Variants in IKZF2 observed in about 807,000 individuals in gnomAD.
The protein encoded by IKZF2 is IKAROS family zinc finger 2, also known as zinc finger protein Helios.
A neutral mutation model predicts 49.2 loss-of-function variants in IKZF2; 15 were observed. The ratio of observed to expected loss-of-function variants is 0.30; its 90% CI spans 0.20 to 0.47. The LOEUF (loss-of-function observed/expected upper bound fraction) is 0.47. IKZF2 is among the 20% of genes least tolerant of loss of function. The pLI is 1.00. For missense variants in IKZF2, 567 were observed against 664.6 expected (o/e 0.85, Z 1.61); for synonymous variants, 227 against 221.4 (o/e 1.03, Z -0.23).
rs963686944 is a variant in IKZF2, at chr2:213,000,888, A to T, written c.*6472T>A. On this transcript the variant is annotated 3_prime_UTR_variant, in exon 9 of 9. Transcript: ENST00000434687. Reference sequence around the variant, plus strand: ...TTAGGACACATTTTTCAAGCAAAAGATTACTAATTTCCATGGAAATTTAGC... The same window carrying T: ...TTAGGACACATTTTTCAAGCAAAAGTTTACTAATTTCCATGGAAATTTAGC... 1.3e-5 allele frequency: 2 copies of T among 151,626 alleles called. No individual in the cohort carries two copies. The highest frequency in any genetic ancestry group is 1.9e-4 in the East Asian group (1 of 5,164). 9.4% of individuals were successfully genotyped at this position (151,626 alleles called of 1,614,324 possible). A position where few individuals can be genotyped will look rare whatever the true frequency, so the allele number is the denominator to read the frequency against.
At chr2:213,008,124 A>AAT in intron 8 of IKZF2, 40 bp from the exon 9 acceptor site, 1 of 1,509,952 alleles carries the variant, frequency 6.6e-7, no homozygotes, top group Non-Finnish European at 8.8e-7. Flanking sequence ...AAAAAAAAAA[A>AAT]AAAATACAAC....
chr2:213,058,547 A>G (rs1701383785), intron 4 of IKZF2, among the ~76,000 whole-genome samples: 1 of 151,904 alleles, frequency 6.6e-6, no homozygotes, highest in Non-Finnish European at 1.5e-5. Context: ...CTACTCTGAG[A>G]TCTACAAAGT....
At chr2:213,031,177 A>G (rs1698392834) in intron 6 of IKZF2, among the ~76,000 whole-genome samples, 1 of 152,210 alleles carries the variant, frequency 6.6e-6, no homozygotes, top group Non-Finnish European at 1.5e-5. Flanking sequence ...TGTTGAGCAA[A>G]GACATCTAGT....
At chr2:213,054,518 T>C (rs1469547782) in intron 5 of IKZF2, among the ~76,000 whole-genome samples, 1 of 152,106 alleles carries the variant, frequency 6.6e-6, no homozygotes, top group Non-Finnish European at 1.5e-5. Flanking sequence ...GTGTTGAAAA[T>C]GGCAGGACAC....
At chr2:213,139,721 G>T (rs1486049854) in intron 4 of IKZF2, among the ~76,000 whole-genome samples, 1 of 151,990 alleles carries the variant, frequency 6.6e-6, no homozygotes, top group Admixed American at 6.6e-5. Flanking sequence ...AAGGATGAGT[G>T]CCAAATCCTG....
intron 4 of IKZF2, among the ~76,000 whole-genome samples, chr2:213,124,255 C>T (rs2060172320): frequency 4.2e-5 from 1 of 24,018 alleles, no homozygotes; most frequent in South Asian, 1.1e-3. Context: ...CGCGCGCGCA[C>T]ACACACACAC....
chr2:213,091,942 TATTTA>T (rs1410844274), intron 4 of IKZF2, among the ~76,000 whole-genome samples: 2 of 150,738 alleles, frequency 1.3e-5, no homozygotes, highest in Admixed American at 6.6e-5. Context: ...ATACTATTTT[TATTTA>T]ATTTATTTAC....
At chr2:213,065,502 T>C (rs1207826810) in intron 4 of IKZF2, among the ~76,000 whole-genome samples, 1 of 152,070 alleles carries the variant, frequency 6.6e-6, no homozygotes, top group Non-Finnish European at 1.5e-5. Flanking sequence ...CAAATACACA[T>C]GATGAATAAA....
At chr2:213,102,678 G>A (rs1432114346) in intron 4 of IKZF2, among the ~76,000 whole-genome samples, 2 of 137,722 alleles carry the variant, frequency 1.5e-5, no homozygotes, top group East Asian at 4.9e-4. Context: ...TTAAAGGAAG[G>A]GGGGGGGTCT....
intron 7 of IKZF2, among the ~76,000 whole-genome samples, chr2:213,018,048 C>G (rs1000035391): frequency 2.0e-5 from 3 of 152,142 alleles, no homozygotes; most frequent in African/African-American, 7.2e-5. Flanking sequence ...CAATTCAAAG[C>G]ATAAACCTAA....
At chr2:213,059,681 AG>A (rs999412016) in intron 4 of IKZF2, among the ~76,000 whole-genome samples, 25 of 151,582 alleles carry the variant, frequency 1.6e-4, no homozygotes, top group African/African-American at 5.3e-4. Context: ...TGAAACTATG[AG>A]TCTTTTAAAT....
intron 6 of IKZF2, among the ~76,000 whole-genome samples, chr2:213,031,845 T>G (rs1698468078): frequency 6.6e-6 from 1 of 152,208 alleles, no homozygotes; most frequent in South Asian, 2.1e-4. Flanking sequence ...AATTGTTTAT[T>G]CATACAACAT....
chr2:213,082,616 T>C (rs990522185), intron 4 of IKZF2, among the ~76,000 whole-genome samples: 13 of 152,216 alleles, frequency 8.5e-5, no homozygotes, highest in African/African-American at 3.1e-4. Context: ...TCCCATATCA[T>C]TCAAATTACT....
At chr2:213,067,718 T>G (rs536374372) in intron 4 of IKZF2, among the ~76,000 whole-genome samples, 14 of 152,208 alleles carry the variant, frequency 9.2e-5, no homozygotes, top group Non-Finnish European at 1.5e-4. Flanking sequence ...GACAGATACA[T>G]TCCCTGCTTT....
At chr2:213,150,474 C>A in intron 1 of IKZF2, 1 of 273,264 alleles carries the variant, frequency 3.7e-6, no homozygotes, top group South Asian at 3.8e-5. Flanking sequence ...TCCTCCTCCT[C>A]CTCGTCCTCC....
At chr2:213,152,028 G>C (rs11903721), upstream of IKZF2, 57,560 of 151,850 alleles carry the variant, frequency 0.38, 11,933 homozygotes, top group Non-Finnish European at 0.48. Flanking sequence ...GTTGGTCCCC[G>C]GACTGCGGAC....
chr2:213,032,746 A>G (rs1698596533), intron 6 of IKZF2, among the ~76,000 whole-genome samples: 1 of 152,202 alleles, frequency 6.6e-6, no homozygotes, highest in African/African-American at 2.4e-5. Context: ...CACTGTAAAG[A>G]TAATCTGAGC....
intron 6 of IKZF2, among the ~76,000 whole-genome samples, chr2:213,047,183 G>T (rs1028677676): frequency 1.4e-4 from 22 of 152,180 alleles, no homozygotes; most frequent in African/African-American, 5.3e-4. Context: ...AATTACCCTT[G>T]TATTCCTTGC....
At chr2:213,130,001 T>C (rs2060420907) in intron 4 of IKZF2, among the ~76,000 whole-genome samples, 2 of 152,182 alleles carry the variant, frequency 1.3e-5, no homozygotes, top group Non-Finnish European at 2.9e-5. Flanking sequence ...TACATAAAGA[T>C]ATACAGGCTG....
Sources: gnomAD v4.1 joint callset for allele counts (sites outside exome capture counted in the v4.1 genomes callset) on GRCh38, gnomAD v4.1.1 for gene constraint, MANE v1.5 for transcripts, NCBI Gene and HGNC (gene_info 2026-07-23, HGNC 2026-07-21) for gene names.